SOS1: variants seen among roughly 807,000 people sequenced by gnomAD.
SOS1 encodes SOS Ras/Rac guanine nucleotide exchange factor 1, also known as son of sevenless homolog 1.
SOS1 carries 25 observed loss-of-function variants against 157.6 expected under a neutral mutation model. The observed-to-expected ratio is 0.16, with a 90% CI of 0.12 to 0.22. The LOEUF (loss-of-function observed/expected upper bound fraction) is 0.22. SOS1 is among the 10% of genes least tolerant of loss of function. The pLI is 1.00. For missense variants in SOS1, 1,237 were observed against 1,599.1 expected (o/e 0.77, Z 3.86); for synonymous variants, 528 against 534.0 (o/e 0.99, Z 0.16).
intron 10 of SOS1, among the ~76,000 whole-genome samples, chr2:39,016,572 C>T (rs1006428369): frequency 1.3e-5 from 2 of 152,066 alleles, no homozygotes; most frequent in Admixed American, 6.6e-5. Flanking sequence ...GGTGAGGCTA[C>T]TCAAAACAGC....
chr2:39,112,978 G>T (rs1440978861), intron 1 of SOS1, among the ~76,000 whole-genome samples: 1 of 151,938 alleles, frequency 6.6e-6, no homozygotes, highest in East Asian at 1.9e-4. Flanking sequence ...GGAGGCTACA[G>T]TGAGCGGAGA....
In SOS1 at chr2:39,017,764, G is replaced by C. The variant is rs951262938; in HGVS notation, c.1859-2918C>G. On this transcript the variant is annotated intron_variant, in intron 10 of 22. Transcript: ENST00000402219. ...TGCTAATGAATGAAAAACATACTAA[G>C]ACGACAAAGTACTTATATTTGAAAT... 2.6e-5 allele frequency among the ~76,000 whole-genome samples: 4 copies of C among 151,892 alleles called. No individual in the cohort carries two copies. The East Asian group carries it at 7.7e-4, about 29-fold the overall frequency.
intron 3 of SOS1, 66 bp from the exon 4 acceptor site, chr2:39,056,932 AT>A: frequency 8.8e-7 from 1 of 1,134,276 alleles, no homozygotes. Context: ...CTGATTAAAA[AT>A]AAAAAACATA....
intron 10 of SOS1, among the ~76,000 whole-genome samples, chr2:39,021,132 G>A (rs556715976): frequency 1.2e-3 from 184 of 151,652 alleles, no homozygotes; most frequent in Admixed American, 2.0e-3. Flanking sequence ...TAGAAAAGAA[G>A]TATCAGACAG....
intron 8 of SOS1, among the ~76,000 whole-genome samples, chr2:39,025,278 A>G (rs1669918520): frequency 6.6e-6 from 1 of 152,132 alleles, no homozygotes; most frequent in South Asian, 2.1e-4. Flanking sequence ...AGGAATACCT[A>G]CTCTCTACCA....
chr2:39,082,478 A>T (rs1311282891), intron 1 of SOS1: 1 of 151,004 alleles, frequency 6.6e-6, no homozygotes, highest in Non-Finnish European at 1.5e-5. Context: ...TAATGAAAGA[A>T]TAAAGAGAAA....
At chr2:39,052,310 T>C (rs1671045946) in intron 5 of SOS1, among the ~76,000 whole-genome samples, 1 of 152,228 alleles carries the variant, frequency 6.6e-6, no homozygotes, top group African/African-American at 2.4e-5. Context: ...ATTTATCAAG[T>C]TGACTTTGAG....
In SOS1 at chr2:39,058,782, G is replaced by C. The variant is rs1217237678; in HGVS notation, c.236C>G (p.Pro79Arg). The C allele has an allele frequency of 3.7e-6, 6 of 1,612,356 alleles. No individual in the cohort carries two copies. The highest frequency in any genetic ancestry group is 1.3e-5 in the African/African-American group (1 of 74,978). ...DVEERVQKSF[P>R]HPIDKWAIAD... ...TATTGCCCATTTATCAATTGGATGA[G>C]GGAAACTTTTTTGAACACGTTCCTT... Residue 79 changes from proline to arginine, a missense_variant, in exon 3 of 23, where the codon CCT becomes CGT. Pro to Arg is a moderately radical substitution (Grantham distance 103). Transcript: ENST00000402219.
chr2:39,041,772 A>G (rs1347018228), intron 6 of SOS1, among the ~76,000 whole-genome samples: 6 of 152,222 alleles, frequency 3.9e-5, no homozygotes. Context: ...TTAAAACTTA[A>G]TCTCTTCCTT....
chr2:39,084,858 T>C (rs1672319641), intron 1 of SOS1, among the ~76,000 whole-genome samples: 1 of 152,122 alleles, frequency 6.6e-6, no homozygotes, highest in Admixed American at 6.6e-5. Flanking sequence ...TTCCCACCAA[T>C]AAAGCAAGGA....
chr2:39,050,967 G>A (rs1005342854), intron 6 of SOS1, among the ~76,000 whole-genome samples, 177 bp downstream of exon 6: 1 of 152,042 alleles, frequency 6.6e-6, no homozygotes, highest in African/African-American at 2.4e-5. Context: ...CACTTTTTCT[G>A]TTTGCTAAGA....
chr2:38,985,839 A>G lies in SOS1; in HGVS notation c.3987T>C (p.Asn1329=), dbSNP rs936986823. The change falls in exon 23 of 23, where the codon AAT becomes AAC. Residue 1329 remains asparagine (N), a synonymous_variant. Transcript: ENST00000402219. ...MHRDGPPLLE[N]AHSS is the part of the protein sequence containing the mutation. The stretch of plus-strand genomic sequence containing the variant: ...ACAGAGGAACTCAGGAAGAATGGGC[A>G]TTCTCCAACAGTGGTGGTCCATCTC... 1.2e-6 allele frequency: 2 copies of G among 1,613,696 alleles called. No homozygotes were observed. Among genetic ancestry groups the G allele is most frequent in the African/African-American group, 2.7e-5 (2 of 74,896 alleles).
rs746674452 is a variant in SOS1 at position 39,022,709 on chromosome 2, A to G, written c.1719T>C (p.Asp573=). The change falls in exon 10 of 23, where the codon GAT becomes GAC. Residue 573 remains aspartate, a synonymous_variant. Transcript: ENST00000402219. The stretch of plus-strand genomic sequence containing the variant: ...AGTCAGGCTCTGCAAATCTATAAAC[A>G]TCAGCACTAGGCAGCCTCATCTGCT... ...KEEQMRLPSA[D]VYRFAEPDSE... The G allele has an allele frequency of 5.6e-6, 9 of 1,613,606 alleles. No homozygotes were observed. In the East Asian group the frequency reaches 1.6e-4, roughly 28 times the overall value.
At chr2:39,087,050 G>C (rs1410581770) in intron 1 of SOS1, among the ~76,000 whole-genome samples, 2 of 152,086 alleles carry the variant, frequency 1.3e-5, no homozygotes, top group East Asian at 3.9e-4. Flanking sequence ...CTAACCTCAG[G>C]TGATCCACCC....
At chr2:39,039,902 T>C (rs1480600912) in intron 6 of SOS1, among the ~76,000 whole-genome samples, 1 of 152,248 alleles carries the variant, frequency 6.6e-6, no homozygotes, top group Non-Finnish European at 1.5e-5. Flanking sequence ...ATATTACATG[T>C]AAATGGAATC....
chr2:39,064,742 A>AT lies in SOS1; in HGVS notation c.213+2885dup, dbSNP rs4015841. On this transcript the variant is annotated intron_variant, in intron 2 of 22. Coordinates refer to ENST00000402219, the MANE Select transcript of SOS1 (RefSeq NM_005633.4). The stretch of plus-strand genomic sequence containing the variant: ...TCAGATTGATCTATTTTTAAAATAC[A>AT]TTTTTTTTTTTTTTTTTTTTTTTGG... Among the ~76,000 whole-genome samples, 211 of 74,812 alleles carry AT rather than the reference A, an allele frequency of 2.8e-3. 20 individuals are homozygous for AT. The highest frequency in any genetic ancestry group is 6.2e-3 in the East Asian group (14 of 2,266). The allele number at this position is 74,812 out of a possible 152,430, so 49.1% of individuals were successfully genotyped here. A position where few individuals can be genotyped will look rare whatever the true frequency, so the allele number is the denominator to read the frequency against.
At chr2:39,005,110 A>G (rs1464667140) in intron 17 of SOS1, among the ~76,000 whole-genome samples, 1 of 152,214 alleles carries the variant, frequency 6.6e-6, no homozygotes, top group East Asian at 1.9e-4. Context: ...AACCCTATAC[A>G]TACATATACA....
chr2:39,001,705 C>T (rs1051418910), intron 17 of SOS1, among the ~76,000 whole-genome samples: 7 of 152,072 alleles, frequency 4.6e-5, no homozygotes, highest in African/African-American at 1.2e-4. Context: ...CTTTACCCAC[C>T]GGATCAGAAC....
chr2:39,001,202 A>T (rs1669087354), intron 17 of SOS1, among the ~76,000 whole-genome samples: 1 of 152,168 alleles, frequency 6.6e-6, no homozygotes, highest in Non-Finnish European at 1.5e-5. Flanking sequence ...AGCTGGGACT[A>T]CAGGAATGCA....
Sources: gnomAD v4.1 joint callset for allele counts (sites outside exome capture counted in the v4.1 genomes callset) on GRCh38, gnomAD v4.1.1 for gene constraint, MANE v1.5 for transcripts, NCBI Gene and HGNC (gene_info 2026-07-23, HGNC 2026-07-21) for gene names.